Variants in RASGRF1 observed in about 807,000 individuals in gnomAD.
RASGRF1 encodes Ras protein specific guanine nucleotide releasing factor 1, also known as ras-specific guanine nucleotide-releasing factor 1.
Under a neutral mutation model 138.7 loss-of-function variants are expected in RASGRF1, and 40 were observed. The ratio of observed to expected loss-of-function variants is 0.29; its 90% CI spans 0.22 to 0.38. The LOEUF (loss-of-function observed/expected upper bound fraction) is 0.38. Ranked by LOEUF, RASGRF1 falls within the 10% of genes least tolerant of loss-of-function variation. The pLI, the probability that RASGRF1 is intolerant of heterozygous loss-of-function variation, is 1.00. For synonymous variants in RASGRF1, 614 were observed against 663.2 expected (o/e 0.93, Z 1.14); for missense variants, 1,108 against 1,650.4 (o/e 0.67, Z 5.69).
chr15:79,073,496 G>T lies in RASGRF1; in HGVS notation c.277-8970C>A, dbSNP rs561676389. On this transcript the variant is annotated intron_variant, in intron 1 of 26. Transcript: ENST00000558480. The surrounding 1 kb of genome is among the most constrained non-coding windows in gnomAD (Gnocchi z 4.2). ...TATAAGGAGACCACCTGGAGTCGGG[G>T]TTGTGAGAGACGAGAAGGGCAGGTG... is the stretch of plus-strand genomic sequence containing the variant. Among the ~76,000 whole-genome samples the T allele has an allele frequency of 1.3e-5, 2 of 152,276 alleles. No individual in the cohort carries two copies. Among genetic ancestry groups the T allele is most frequent in the South Asian group, 2.1e-4 (1 of 4,818 alleles).
intron 14 of RASGRF1, chr15:79,004,832 AGGATT>A: frequency 1.0e-6 from 1 of 985,354 alleles, no homozygotes; most frequent in Non-Finnish European, 1.2e-6. Context: ...CACACAGGAT[AGGATT>A]GATCTTTTAA....
intron 12 of RASGRF1, among the ~76,000 whole-genome samples, chr15:79,017,204 G>A (rs2056891169): frequency 6.6e-6 from 1 of 152,220 alleles, no homozygotes; most frequent in African/African-American, 2.4e-5. Context: ...TCCAAATAGG[G>A]TGAATGACCC....
At chr15:79,026,390 G>T (rs1021324067) in intron 9 of RASGRF1, among the ~76,000 whole-genome samples, 1 of 152,034 alleles carries the variant, frequency 6.6e-6, no homozygotes, top group Non-Finnish European at 1.5e-5. Flanking sequence ...GACTCTCTTG[G>T]TCCTGCTCCA....
intron 2 of RASGRF1, among the ~76,000 whole-genome samples, chr15:79,060,345 C>A (rs1324082529): frequency 6.6e-6 from 1 of 152,236 alleles, no homozygotes; most frequent in African/African-American, 2.4e-5. Flanking sequence ...TCAGCATGTC[C>A]CATCATTCCA....
chr15:79,087,111 A>G (rs1048448993), intron 1 of RASGRF1, among the ~76,000 whole-genome samples: 5 of 152,240 alleles, frequency 3.3e-5, no homozygotes, highest in Admixed American at 2.6e-4. Flanking sequence ...TGGTCTGGAT[A>G]CAGCCAGATG....
Position 78,973,556 on chromosome 15 carries a change from C to T in RASGRF1, c.3495-136G>A, listed in dbSNP as rs2055814467. The T allele has an allele frequency of 1.6e-6, 1 of 638,278 alleles. No homozygotes were observed. The highest frequency in any genetic ancestry group is 2.7e-6 in the Non-Finnish European group (1 of 367,226). 39.5% of individuals were successfully genotyped at this position (638,278 alleles called of 1,614,324 possible). ...CAGTCACCAAGAATCACACTACACT[C>T]TAGAACTGACTATTCTACACGCCCA... On this transcript the variant is annotated intron_variant, in intron 24 of 26. Coordinates refer to ENST00000558480, the MANE Select transcript of RASGRF1 (RefSeq NM_001145648.3). The surrounding 1 kb of genome is among the most constrained non-coding windows in gnomAD (Gnocchi z 4.9).
chr15:79,006,477 G>T lies in RASGRF1; in HGVS notation c.1827-43C>A. 6.3e-7 allele frequency: 1 copy of T among 1,581,886 alleles called. No individual in the cohort carries two copies. Among genetic ancestry groups the T allele is most frequent in the Non-Finnish European group, 8.6e-7 (1 of 1,166,636 alleles). On this transcript the variant is annotated intron_variant, in intron 13 of 26. Transcript: ENST00000558480. This position sits in a 1 kb window ranked among gnomAD's most constrained non-coding sequence, Gnocchi z 4.0. ...ATGCAGAGGTGATGTGGGTCTAAAGGCATCTGAATGGCACCCACCAGGCCT... is the reference window on the plus strand; with the variant it reads ...ATGCAGAGGTGATGTGGGTCTAAAGTCATCTGAATGGCACCCACCAGGCCT...
chr15:79,064,595 A>G (rs2057652279), intron 1 of RASGRF1, 69 bp from the exon 2 acceptor site: 1 of 1,483,680 alleles, frequency 6.7e-7, no homozygotes, highest in Non-Finnish European at 9.4e-7. Context: ...CTTGCAATCA[A>G]TCTAGCTGTT....
At chr15:78,995,198 G>A (rs975707707) in intron 20 of RASGRF1, among the ~76,000 whole-genome samples, 1 of 152,014 alleles carries the variant, frequency 6.6e-6, no homozygotes, top group African/African-American at 2.4e-5. Flanking sequence ...CAAAGTGCTA[G>A]GATTACAGGT....
intron 14 of RASGRF1, 36 bp from the exon 15 acceptor site, chr15:79,004,211 G>T (rs114032018): frequency 0.029 from 44,850 of 1,523,980 alleles, 749 homozygotes; most frequent in Non-Finnish European, 0.035. Context: ...GACAGTTAGC[G>T]TAGGCCTGCC....
At chr15:79,077,941 C>T (rs1331073017) in intron 1 of RASGRF1, among the ~76,000 whole-genome samples, 1 of 152,166 alleles carries the variant, frequency 6.6e-6, no homozygotes, top group Admixed American at 6.5e-5. Context: ...GATGCTACCA[C>T]TCTTGGCTGA....
chr15:79,038,617 A>G (rs538641923), intron 5 of RASGRF1, among the ~76,000 whole-genome samples: 1 of 152,112 alleles, frequency 6.6e-6, no homozygotes, highest in Admixed American at 6.5e-5. Context: ...TCTCTTATTA[A>G]TCTTCTCTCT....
Position 78,973,377 on chromosome 15 carries a change from CG to C in RASGRF1, c.3537del (p.Asp1180ThrfsTer23). The C allele has an allele frequency of 2.5e-6, 4 of 1,613,856 alleles. No individual in the cohort carries two copies. Among genetic ancestry groups the C allele is most frequent in the Non-Finnish European group, 3.4e-6 (4 of 1,179,854 alleles). On this transcript the variant is annotated frameshift_variant, in exon 25 of 27. Coordinates refer to ENST00000558480, the MANE Select transcript of RASGRF1 (RefSeq NM_001145648.3). LOFTEE classifies it high-confidence loss of function. This position sits in a 1 kb window ranked among gnomAD's most constrained non-coding sequence, Gnocchi z 4.9. ...GTCCCCTCCTCGATGAAGGCCAGGT[CG>C]GTGAGGTACATCCCCAGGTAAGGGA... ...PCVPYLGMYLTDLAFIEEGTP... is the reference protein window; with the variant it reads ...PCVPYLGMYLXDLAFIEEGTP...
intron 26 of RASGRF1, 127 bp downstream of exon 26, chr15:78,971,739 C>T (rs568659352): frequency 2.5e-5 from 21 of 847,634 alleles, no homozygotes; most frequent in South Asian, 1.2e-4. Context: ...ACAGGGATGG[C>T]ATTTGAGCTG....
chr15:78,985,825 T>C (rs1448739128), intron 22 of RASGRF1: 3 of 147,248 alleles, frequency 2.0e-5, no homozygotes, highest in African/African-American at 7.5e-5. Context: ...CTTGAAAAAC[T>C]GAGGCAGGAA....
rs1476334547 is a variant in RASGRF1 at position 78,960,799 on chromosome 15, G to A, written c.*1345C>T. The A allele has an allele frequency of 6.6e-6, 1 of 152,192 alleles. No individual in the cohort carries two copies. Among genetic ancestry groups the A allele is most frequent in the African/African-American group, 2.4e-5 (1 of 41,452 alleles). The allele number at this position is 152,192 out of a possible 1,614,324, so 9.4% of individuals were successfully genotyped here. ...CTGTTGGTGCCTAAAAAGCAGGTAT[G>A]GTGTCCTTGACACTCTGGATCTCCG... On this transcript the variant is annotated 3_prime_UTR_variant, in exon 27 of 27. Transcript: ENST00000558480.
intron 5 of RASGRF1, among the ~76,000 whole-genome samples, chr15:79,044,950 A>C (rs1407433822): frequency 6.6e-6 from 1 of 152,246 alleles, no homozygotes; most frequent in Non-Finnish European, 1.5e-5. Context: ...GAATCAATGA[A>C]GTATAATAAA....
rs2056677891 is a variant in RASGRF1 at position 79,006,521 on chromosome 15, C to A, written c.1827-87G>T. The A allele has an allele frequency of 6.9e-7, 1 of 1,452,950 alleles. No homozygotes were observed. The highest frequency in any genetic ancestry group is 1.4e-5 in the African/African-American group (1 of 71,964). 90.0% of individuals were successfully genotyped at this position (1,452,950 alleles called of 1,614,324 possible). On this transcript the variant is annotated intron_variant, in intron 13 of 26. Transcript: ENST00000558480. The surrounding 1 kb of genome is among the most constrained non-coding windows in gnomAD (Gnocchi z 4.0). ...CAGGCCTGCTCATCACTGCTTCCCC[C>A]ACACACTGACAACACAGGATGGTCT... is the stretch of plus-strand genomic sequence containing the variant.
chr15:79,013,774 G>C (rs1052068155), intron 13 of RASGRF1, among the ~76,000 whole-genome samples: 6 of 152,178 alleles, frequency 3.9e-5, no homozygotes, highest in African/African-American at 1.4e-4. Context: ...AATTGTGCCT[G>C]GTGCAGGTGA....
Sources: gnomAD v4.1 joint callset for allele counts (sites outside exome capture counted in the v4.1 genomes callset) on GRCh38, gnomAD v4.1.1 for gene constraint, Gnocchi (gnomAD v3.1) non-coding constraint, MANE v1.5 for transcripts, NCBI Gene and HGNC (gene_info 2026-07-23, HGNC 2026-07-21) for gene names.